Variants in SLC9A4 observed in about 807,000 individuals in gnomAD.
SLC9A4 encodes sodium/hydrogen exchanger 4.
In SLC9A4, 63 loss-of-function variants were observed where a neutral mutation model predicts 67.4. The ratio of observed to expected loss-of-function variants is 0.93; its 90% CI spans 0.76 to 1.15. The LOEUF (loss-of-function observed/expected upper bound fraction) is 1.15, where lower values mean the gene tolerates loss of function less well. Ranked by LOEUF, SLC9A4 falls within the 50% of genes most tolerant of loss-of-function variation. The probability of loss-of-function intolerance (pLI) is 0.00; values close to 1 mark genes in which losing one functional copy is unlikely to be tolerated. For missense variants in SLC9A4, 1,089 were observed against 987.7 expected (o/e 1.10, Z -1.38); for synonymous variants, 393 against 367.2 (o/e 1.07, Z -0.80).
chr2:102,503,636 A>G lies in SLC9A4; in HGVS notation c.909A>G (p.Pro303=), dbSNP rs1427375853. 1 of 1,614,110 alleles carries G rather than the reference A, an allele frequency of 6.2e-7. No homozygotes were observed. The change falls in exon 3 of 12, where the codon CCA becomes CCG. Residue 303 remains proline (P), a synonymous_variant. Coordinates refer to ENST00000295269, the MANE Select transcript of SLC9A4 (RefSeq NM_001011552.4). ...CTCAGAATATCTCTGCAATTGAGCC[A>G]CTCATCGTCTTCATGTTCAGCTATT... is the stretch of plus-strand genomic sequence containing the variant. ...RFTQNISAIE[P]LIVFMFSYLS...
intron 2 of SLC9A4, among the ~76,000 whole-genome samples, chr2:102,483,839 T>TAC (rs1391182060): frequency 3.4e-4 from 43 of 127,920 alleles, no homozygotes; most frequent in African/African-American, 1.2e-3. Flanking sequence ...TATATATATA[T>TAC]ATACACACAC....
intron 2 of SLC9A4, among the ~76,000 whole-genome samples, chr2:102,480,015 G>A (rs2104413941): frequency 6.6e-6 from 1 of 152,300 alleles, no homozygotes; most frequent in Non-Finnish European, 1.5e-5. Context: ...ACCTTCAGCA[G>A]TTGTTAGACA....
intron 8 of SLC9A4, among the ~76,000 whole-genome samples, chr2:102,516,989 C>G (rs1287293304): frequency 6.6e-6 from 1 of 152,148 alleles, no homozygotes; most frequent in Non-Finnish European, 1.5e-5. Context: ...CCTAAAGTAA[C>G]TTCATTGTAG....
In SLC9A4 at chr2:102,493,453, C is replaced by T. The variant is rs1292537166; in HGVS notation, c.721-9995C>T. ...AAAGGAGGAACAAAGTCACGTCTTA[C>T]ATGGTGGCAGGCAAGAGAGCATGTA... On this transcript the variant is annotated intron_variant, in intron 2 of 11. Coordinates refer to ENST00000295269, the MANE Select transcript of SLC9A4 (RefSeq NM_001011552.4). Among the ~76,000 whole-genome samples, 4 of 151,874 alleles carry T rather than the reference C, an allele frequency of 2.6e-5. 1 individual carries two copies. Among genetic ancestry groups the T allele is most frequent in the African/African-American group, 9.7e-5 (4 of 41,156 alleles).
At chr2:102,498,287 C>A (rs1684852715) in intron 2 of SLC9A4, among the ~76,000 whole-genome samples, 1 of 152,222 alleles carries the variant, frequency 6.6e-6, no homozygotes, top group Non-Finnish European at 1.5e-5. Context: ...ATGCAGTCTT[C>A]TTAATTATAT....
In SLC9A4 at chr2:102,500,874, T is replaced by G. The variant is rs571782048; in HGVS notation, c.721-2574T>G. 2.6e-5 allele frequency among the ~76,000 whole-genome samples: 4 copies of G among 152,014 alleles called. No homozygotes were observed. The East Asian group carries it at 7.7e-4, about 29-fold the overall frequency. ...AATGCACTCTGACTGTTCATGATTA[T>G]GAACAAAACAGGACAGCAGCTTAGG... On this transcript the variant is annotated intron_variant, in intron 2 of 11. Coordinates refer to ENST00000295269, the MANE Select transcript of SLC9A4 (RefSeq NM_001011552.4).
chr2:102,484,530 G>T (rs1684543816), intron 2 of SLC9A4, among the ~76,000 whole-genome samples: 2 of 152,194 alleles, frequency 1.3e-5, no homozygotes, highest in African/African-American at 4.8e-5. Flanking sequence ...CCTGGAGTAA[G>T]CACTCAATGA....
In SLC9A4 at chr2:102,503,497, A is replaced by T; in HGVS notation, c.770A>T (p.Asp257Val). The T allele has an allele frequency of 1.2e-6, 2 of 1,613,674 alleles. No individual in the cohort carries two copies. Among genetic ancestry groups the T allele is most frequent in the Non-Finnish European group, 1.7e-6 (2 of 1,179,580 alleles). Residue 257 changes from aspartate (D) to valine (V), a missense_variant, in exon 3 of 12, where the codon GAC becomes GTC. Coordinates refer to ENST00000295269, the MANE Select transcript of SLC9A4 (RefSeq NM_001011552.4). The part of the protein sequence containing the change: ...IAFTKMHKFE[D>V]IETVDILAGC... The stretch of plus-strand genomic sequence containing the variant: ...TTTACAAAGATGCATAAATTTGAAG[A>T]CATAGAAACTGTCGACATTTTGGCT...
chr2:102,499,298 A>ATAGT (rs1684873865), intron 2 of SLC9A4, among the ~76,000 whole-genome samples: 3 of 63,326 alleles, frequency 4.7e-5, no homozygotes, highest in Non-Finnish European at 8.5e-5. Flanking sequence ...AGATGGATAG[A>ATAGT]TAGATAGATA....
intron 10 of SLC9A4, among the ~76,000 whole-genome samples, chr2:102,525,419 G>T (rs905690230): frequency 2.6e-5 from 4 of 151,538 alleles, no homozygotes; most frequent in African/African-American, 2.4e-5. Flanking sequence ...GGTGTGCTAT[G>T]AGTCCAGACA....
Position 102,514,114 on chromosome 2 carries a change from C to A in SLC9A4, c.1584C>A (p.Tyr528Ter). ...RDKFKKFDHR[Y>*]LRKILIRKNL... ...GGTTTAAGAAGTTTGATCATAGATACTTACGGAAAATCCTCATCAGAAAGA... is the reference window on the plus strand; with the variant it reads ...GGTTTAAGAAGTTTGATCATAGATAATTACGGAAAATCCTCATCAGAAAGA... Residue 528 changes from tyrosine (Y) to a stop codon, truncating the protein, a stop_gained, in exon 8 of 12, where the codon TAC becomes TAA. Coordinates refer to ENST00000295269, the MANE Select transcript of SLC9A4 (RefSeq NM_001011552.4). LOFTEE classifies it high-confidence loss of function. 1 of 1,613,056 alleles carries A rather than the reference C, an allele frequency of 6.2e-7. No homozygotes were observed. The highest frequency in any genetic ancestry group is 8.5e-7 in the Non-Finnish European group (1 of 1,179,744).
rs1042794669 is a variant in SLC9A4, at chr2:102,533,049, C to T, written c.*361C>T. On this transcript the variant is annotated 3_prime_UTR_variant, in exon 12 of 12. Transcript: ENST00000295269. ...AATTCACATTGCCGATATGCATATG[C>T]AACTTATAATCAAATAGAACTAGAA... 2 of 191,594 alleles carry T rather than the reference C, an allele frequency of 1.0e-5. No individual in the cohort carries two copies. Among genetic ancestry groups the T allele is most frequent in the African/African-American group, 2.3e-5 (1 of 43,300 alleles). 11.9% of individuals were successfully genotyped at this position (191,594 alleles called of 1,614,324 possible).
intron 9 of SLC9A4, among the ~76,000 whole-genome samples, chr2:102,520,645 G>A (rs1044377242): frequency 1.5e-4 from 23 of 152,278 alleles, no homozygotes; most frequent in African/African-American, 5.5e-4. Flanking sequence ...ACTTGGGTGT[G>A]ATTGGAAATG....
rs1179474555 is a variant in SLC9A4 at position 102,479,147 on chromosome 2, G to A, written c.565G>A (p.Gly189Ser). Residue 189 changes from glycine to serine, a missense_variant, in exon 2 of 12, where the codon GGC becomes AGC. By Grantham distance (56) the Gly-to-Ser change is moderately conservative (BLOSUM62 0). Transcript: ENST00000295269. ...CTGCCAGGTGAAGGCCTTTGGCCTG[G>A]GCGACGTCAACCTGCTGCAGAACCT... ...LICQVKAFGL[G>S]DVNLLQNLLF... The A allele has an allele frequency of 6.2e-7, 1 of 1,614,022 alleles. No individual in the cohort carries two copies. Among genetic ancestry groups the A allele is most frequent in the Admixed American group, 1.7e-5 (1 of 60,006 alleles).
At chr2:102,522,142 A>G (rs1213205097) in intron 9 of SLC9A4, among the ~76,000 whole-genome samples, 4 of 152,228 alleles carry the variant, frequency 2.6e-5, no homozygotes, top group African/African-American at 9.6e-5. Flanking sequence ...ACAAGAGAAG[A>G]AACTGGCTTC....
rs1355846399 is a variant in SLC9A4, at chr2:102,503,303, G to A, written c.721-145G>A. 27 of 783,726 alleles carry A rather than the reference G, an allele frequency of 3.4e-5. No individual in the cohort carries two copies. In the East Asian group the frequency reaches 7.3e-4, roughly 21 times the overall value. 48.5% of individuals were successfully genotyped at this position (783,726 alleles called of 1,614,324 possible). On this transcript the variant is annotated intron_variant, in intron 2 of 11. Coordinates refer to ENST00000295269, the MANE Select transcript of SLC9A4 (RefSeq NM_001011552.4). ...GTACATCTAAATTATTGGGAATACA[G>A]TTAAAAGGCAGTCATCTTAGTATTT...
chr2:102,519,527 C>A (rs912939867), intron 8 of SLC9A4, among the ~76,000 whole-genome samples: 1 of 152,000 alleles, frequency 6.6e-6, no homozygotes, highest in African/African-American at 2.4e-5. Flanking sequence ...CATTTTCTAA[C>A]AATTGATTTT....
intron 2 of SLC9A4, among the ~76,000 whole-genome samples, chr2:102,490,677 G>C (rs997609084): frequency 6.6e-6 from 1 of 152,180 alleles, no homozygotes; most frequent in Admixed American, 6.5e-5. Context: ...GGAATAATAA[G>C]TGCTTTATGA....
Position 102,513,184 on chromosome 2 carries a change from A to T in SLC9A4, c.1560-906A>T, listed in dbSNP as rs139874700. ...TCATGAGGGCAGAAAACTAGAAGAC[A>T]GAAGATCGACCCAGTTGGAATAAGA... On this transcript the variant is annotated intron_variant, in intron 7 of 11. Coordinates refer to ENST00000295269, the MANE Select transcript of SLC9A4 (RefSeq NM_001011552.4). 1.1e-3 allele frequency among the ~76,000 whole-genome samples: 161 copies of T among 152,290 alleles called. 1 individual carries two copies. The highest frequency in any genetic ancestry group is 3.7e-3 in the African/African-American group (152 of 41,572).
Sources: allele counts gnomAD v4.1 joint callset (sites outside exome capture counted in the v4.1 genomes callset), GRCh38; gene constraint gnomAD v4.1.1; transcripts MANE v1.5; gene names NCBI Gene and HGNC (gene_info 2026-07-23, HGNC 2026-07-21).